The following EZH1 variants were observed in gnomAD, a reference collection of about 807,000 sequenced individuals.
The protein encoded by EZH1 is enhancer of zeste 1 polycomb repressive complex 2 subunit.
In EZH1, 33 loss-of-function variants were observed where a neutral mutation model predicts 100.5. That is an observed-to-expected ratio of 0.33 (90% CI 0.25 to 0.44). The LOEUF (loss-of-function observed/expected upper bound fraction) is 0.44, where lower values mean the gene tolerates loss of function less well. EZH1 is among the 20% of genes least tolerant of loss of function. EZH1 has a pLI of 1.00. For missense variants in EZH1, 475 were observed against 928.4 expected (o/e 0.51, Z 6.35); for synonymous variants, 272 against 313.8 (o/e 0.87, Z 1.41).
chr17:42,725,857 T>C (rs1249263192), intron 4 of EZH1, among the ~76,000 whole-genome samples: 2 of 152,002 alleles, frequency 1.3e-5, no homozygotes, highest in Non-Finnish European at 2.9e-5. Flanking sequence ...AGGAAAGATA[T>C]TTGCTCTCAA....
chr17:42,709,693 G>A lies in EZH1; in HGVS notation c.1493+153C>T, dbSNP rs186579717. The A allele has an allele frequency of 6.3e-6, 4 of 636,094 alleles. No individual in the cohort carries two copies. In the East Asian group the frequency reaches 1.1e-4, roughly 18 times the overall value. 39.4% of individuals were successfully genotyped at this position (636,094 alleles called of 1,614,324 possible). On this transcript the variant is annotated intron_variant, in intron 13 of 20. Coordinates refer to ENST00000428826, the MANE Select transcript of EZH1 (RefSeq NM_001991.5). The stretch of plus-strand genomic sequence containing the variant: ...GCACAGACCCTCAGGGAGCACTCAG[G>A]AGGCTGGCTCTCAGTCATGTGATGC...
At chr17:42,720,103 TCA>T (rs1447801822) in intron 7 of EZH1, among the ~76,000 whole-genome samples, 168 bp downstream of exon 7, 1 of 152,204 alleles carries the variant, frequency 6.6e-6, no homozygotes, top group East Asian at 1.9e-4. Context: ...ACTTTCTTCT[TCA>T]CCCAAGTCAC....
In EZH1 at chr17:42,722,826, A is replaced by G. The variant is rs751805325; in HGVS notation, c.456T>C (p.Asn152=). 4 of 1,614,058 alleles carry G rather than the reference A, an allele frequency of 2.5e-6. No individual in the cohort carries two copies. The highest frequency in any genetic ancestry group is 3.4e-6 in the Non-Finnish European group (4 of 1,180,012). Residue 152 remains asparagine, a synonymous_variant, in exon 6 of 21, where the codon AAT becomes AAC. Transcript: ENST00000428826. The part of the protein sequence containing the change: ...EDETFIEELI[N]NYDGKVHGEE... Reference sequence around the variant, plus strand: ...CACCATGGACTTTCCCATCATAGTTATTGATCAGCTCCTCAATAAAAGTCT... The same window carrying G: ...CACCATGGACTTTCCCATCATAGTTGTTGATCAGCTCCTCAATAAAAGTCT...
chr17:42,730,814 T>C lies in EZH1; in HGVS notation c.-12+14A>G, dbSNP rs2053933527. On this transcript the variant is annotated intron_variant, in intron 2 of 20. Coordinates refer to ENST00000428826, the MANE Select transcript of EZH1 (RefSeq NM_001991.5). ...CCCGGCCAAGAAGTATGTATTCTAATATACTTTACCTACCTTATAGAATGC... is the reference window on the plus strand; with the variant it reads ...CCCGGCCAAGAAGTATGTATTCTAACATACTTTACCTACCTTATAGAATGC... 1.0e-6 allele frequency: 1 copy of C among 980,322 alleles called. No individual in the cohort carries two copies. Among genetic ancestry groups the C allele is most frequent in the Non-Finnish European group, 1.2e-6 (1 of 825,234 alleles). The allele number at this position is 980,322 out of a possible 1,614,324, so 60.7% of individuals were successfully genotyped here.
At chr17:42,719,359 C>T (rs1597842013) in intron 7 of EZH1, 152 bp from the exon 8 acceptor site, 1 of 621,740 alleles carries the variant, frequency 1.6e-6, no homozygotes, top group Non-Finnish European at 2.9e-6. Flanking sequence ...AACATCAGTG[C>T]TATCTGGACT....
At chr17:42,710,020 G>T in intron 12 of EZH1, 83 bp from the exon 13 acceptor site, 1 of 1,230,512 alleles carries the variant, frequency 8.1e-7, no homozygotes, top group South Asian at 1.2e-5. Context: ...GCCTTGGGAG[G>T]GTTCTGAGAA....
chr17:42,728,811 G>C lies in EZH1; in HGVS notation c.117+14C>G. 1 of 1,609,996 alleles carries C rather than the reference G, an allele frequency of 6.2e-7. No individual in the cohort carries two copies. The highest frequency in any genetic ancestry group is 1.7e-5 in the Admixed American group (1 of 59,082). On this transcript the variant is annotated intron_variant, in intron 3 of 20. Transcript: ENST00000428826. ...TTGAAATATATAAACTTTCACTTGG[G>C]AATTATTTTTTACCTTTGCACCCAT...
Position 42,718,286 on chromosome 17 carries a change from T to C in EZH1, c.931+168A>G, listed in dbSNP as rs1446372579. Reference sequence around the variant, plus strand: ...GTTGCTAGTTAGTCTGTCCCTATCATGCAAAGCATGTTGCACTATAATTGA... The same window carrying C: ...GTTGCTAGTTAGTCTGTCCCTATCACGCAAAGCATGTTGCACTATAATTGA... On this transcript the variant is annotated intron_variant, in intron 9 of 20. Transcript: ENST00000428826. This position sits in a 1 kb window ranked among gnomAD's most constrained non-coding sequence, Gnocchi z 4.2. 8 of 954,316 alleles carry C rather than the reference T, an allele frequency of 8.4e-6. No individual in the cohort carries two copies. The highest frequency in any genetic ancestry group is 2.7e-5 in the Admixed American group (1 of 37,634). The allele number at this position is 954,316 out of a possible 1,614,324, so 59.1% of individuals were successfully genotyped here.
intron 2 of EZH1, 51 bp from the exon 3 acceptor site, chr17:42,729,003 A>C: frequency 6.9e-7 from 1 of 1,450,646 alleles, no homozygotes; most frequent in East Asian, 2.4e-5. Flanking sequence ...GAAATAAAGC[A>C]TTCCTCAAAT....
intron 6 of EZH1, among the ~76,000 whole-genome samples, chr17:42,720,796 A>T (rs867082495): frequency 3.9e-5 from 6 of 152,206 alleles, no homozygotes; most frequent in Middle Eastern, 6.8e-3. Context: ...AGTAGCTGAG[A>T]TTACGCATGT....
chr17:42,724,507 G>A, intron 4 of EZH1, 83 bp from the exon 5 acceptor site: 8 of 1,530,912 alleles, frequency 5.2e-6, no homozygotes, highest in African/African-American at 1.4e-5. Flanking sequence ...AAAATTGGCT[G>A]GGCATAGTGG....
chr17:42,724,803 A>G (rs545701227), intron 4 of EZH1, among the ~76,000 whole-genome samples: 3 of 151,932 alleles, frequency 2.0e-5, no homozygotes, highest in Non-Finnish European at 4.4e-5. Context: ...AGAGAAAAAA[A>G]ATGATCTTAG....
intron 7 of EZH1, among the ~76,000 whole-genome samples, 186 bp from the exon 8 acceptor site, chr17:42,719,393 AT>A (rs1328023943): frequency 3.3e-5 from 5 of 152,220 alleles, no homozygotes; most frequent in Non-Finnish European, 7.3e-5. Context: ...CTACCAGTAA[AT>A]AAGGAAGTTA....
At chr17:42,736,937 G>T (rs1007785943) in intron 1 of EZH1, among the ~76,000 whole-genome samples, 6 of 151,678 alleles carry the variant, frequency 4.0e-5, no homozygotes, top group African/African-American at 1.5e-4. Flanking sequence ...TTCCACTTAA[G>T]ATGTTCTGCT....
Position 42,745,011 on chromosome 17 carries a change from C to T in EZH1, c.-103G>A, listed in dbSNP as rs958692761. ...GGCCCAGGCTTGTTTACTCACTCAC[C>T]CTCCATCCCGAGCCGCGGGTCCCGC... On this transcript the variant is annotated splice_region_variant and 5_prime_UTR_variant, in exon 1 of 21. Transcript: ENST00000428826. 2.0e-5 allele frequency: 25 copies of T among 1,274,002 alleles called. No individual in the cohort carries two copies. The highest frequency in any genetic ancestry group is 2.4e-5 in the Admixed American group (1 of 41,718). 78.9% of individuals were successfully genotyped at this position (1,274,002 alleles called of 1,614,324 possible).
At chr17:42,721,967 C>T (rs756265509) in intron 6 of EZH1, among the ~76,000 whole-genome samples, 18 of 151,668 alleles carry the variant, frequency 1.2e-4, no homozygotes, top group African/African-American at 3.9e-4. Flanking sequence ...CTGGCTCACA[C>T]GGTGAAACCC....
Position 42,702,366 on chromosome 17 carries a change from C to G in EZH1, c.*166G>C, listed in dbSNP as rs2053258612. 3 of 529,308 alleles carry G rather than the reference C, an allele frequency of 5.7e-6. No individual in the cohort carries two copies. The highest frequency in any genetic ancestry group is 1.0e-5 in the Non-Finnish European group (3 of 296,954). 32.8% of individuals were successfully genotyped at this position (529,308 alleles called of 1,614,324 possible). ...GCCTCTGTCTCCCCTCTCATTGAGA[C>G]AGTTTTGTGCCCTCTGGACATGGCA... On this transcript the variant is annotated 3_prime_UTR_variant, in exon 21 of 21. Coordinates refer to ENST00000428826, the MANE Select transcript of EZH1 (RefSeq NM_001991.5).
chr17:42,716,258 A>G (rs2053603027), intron 10 of EZH1, among the ~76,000 whole-genome samples: 1 of 152,162 alleles, frequency 6.6e-6, no homozygotes, highest in Non-Finnish European at 1.5e-5. Context: ...TATGTAAGAG[A>G]ATGTCTTTAT....
intron 15 of EZH1, among the ~76,000 whole-genome samples, 164 bp downstream of exon 15, chr17:42,707,794 C>T (rs1034295176): frequency 2.6e-5 from 4 of 152,192 alleles, no homozygotes; most frequent in Non-Finnish European, 4.4e-5. Flanking sequence ...CCAGAAACGA[C>T]TCTCCCAGAT....
Sources: allele counts gnomAD v4.1 joint callset (sites outside exome capture counted in the v4.1 genomes callset), GRCh38; gene constraint gnomAD v4.1.1; non-coding constraint Gnocchi (gnomAD v3.1); transcripts MANE v1.5; gene names NCBI Gene and HGNC (gene_info 2026-07-23, HGNC 2026-07-21).